Variants in ANXA4 observed in about 807,000 individuals in gnomAD.
The protein encoded by ANXA4 is annexin A4.
A neutral mutation model predicts 49.8 loss-of-function variants in ANXA4; 39 were observed. The observed-to-expected ratio is 0.78, with a 90% CI of 0.61 to 1.02. The LOEUF is 1.02. Ranked by LOEUF, ANXA4 falls within the 50% of genes least tolerant of loss-of-function variation. ANXA4 has a pLI of 0.00. For synonymous variants in ANXA4, 134 were observed against 152.5 expected, an observed-to-expected ratio of 0.88 and a Z score of 0.89; for missense variants, 360 against 410.1, an observed-to-expected ratio of 0.88 and a Z score of 1.05.
intron 1 of ANXA4, among the ~76,000 whole-genome samples, chr2:69,777,237 G>A (rs1055349947): frequency 7.9e-5 from 12 of 152,202 alleles, no homozygotes; most frequent in African/African-American, 2.4e-4. Flanking sequence ...GGGTTTTTAT[G>A]GAGTCTTTGT....
At chr2:69,741,202 C>T (rs1670385074), upstream of ANXA4, among the ~76,000 whole-genome samples, 1 of 152,164 alleles carries the variant, frequency 6.6e-6, no homozygotes, top group Non-Finnish European at 1.5e-5. Flanking sequence ...ACTCCCCAAA[C>T]GGGCTATTCT....
intron 2 of ANXA4, among the ~76,000 whole-genome samples, chr2:69,710,008 A>G (rs987294101): frequency 5.1e-5 from 5 of 98,362 alleles, no homozygotes; most frequent in African/African-American, 2.1e-4. Context: ...TTTTTTTGAG[A>G]CAGAGTTTTG....
At chr2:69,812,053 A>T (rs1370927116) in intron 7 of ANXA4, among the ~76,000 whole-genome samples, 1 of 150,338 alleles carries the variant, frequency 6.7e-6, no homozygotes, top group Non-Finnish European at 1.5e-5. Flanking sequence ...GGACATTTTT[A>T]TGGGATCCTC....
chr2:69,668,685 C>A (rs1032005299), intron 2 of ANXA4, among the ~76,000 whole-genome samples: 8 of 152,108 alleles, frequency 5.3e-5, no homozygotes, highest in African/African-American at 1.4e-4. Context: ...GTAAAACTCA[C>A]CTTCTGCATG....
chr2:69,748,550 C>T (rs114370077), intron 1 of ANXA4, among the ~76,000 whole-genome samples: 6,719 of 150,334 alleles, frequency 0.045, 300 homozygotes, highest in African/African-American at 0.11. Context: ...ATTATGTTAA[C>T]TTGCATTATT....
At chr2:69,648,626 C>T (rs1350898122) in intron 1 of ANXA4, among the ~76,000 whole-genome samples, 1 of 152,040 alleles carries the variant, frequency 6.6e-6, no homozygotes, top group Non-Finnish European at 1.5e-5. Flanking sequence ...GACTTCAAGA[C>T]CAGCCTGGCC....
chr2:69,705,978 G>A (rs779338324), intron 2 of ANXA4, among the ~76,000 whole-genome samples: 6 of 151,764 alleles, frequency 4.0e-5, no homozygotes, highest in Non-Finnish European at 5.9e-5. Context: ...AGTGCTTTAA[G>A]GTACATGTTA....
intron 2 of ANXA4, among the ~76,000 whole-genome samples, chr2:69,783,159 A>G (rs975986189): frequency 6.6e-6 from 1 of 152,172 alleles, no homozygotes; most frequent in Non-Finnish European, 1.5e-5. Context: ...TACATTTCAT[A>G]TCATTAAAAT....
rs138990531 is a variant in ANXA4 at position 69,694,919 on chromosome 2, C to T, written n.767-25855C>T. Among the ~76,000 whole-genome samples, 36 of 152,146 alleles carry T rather than the reference C, an allele frequency of 2.4e-4. No individual in the cohort carries two copies. In the East Asian group the frequency reaches 5.8e-3, roughly 25 times the overall value. On this transcript the variant is annotated intron_variant and non_coding_transcript_variant, in intron 2 of 3. Transcript: ENST00000418066. ...GGGATTACAGGCGTAAGCCACCATG[C>T]CCAGGCTGTTATAAGATAAATTTAA... is the stretch of plus-strand genomic sequence containing the variant.
Position 69,666,341 on chromosome 2 carries a change from A to C in ANXA4, n.766+13059A>C, listed in dbSNP as rs564972185. Among the ~76,000 whole-genome samples, 3 of 152,314 alleles carry C rather than the reference A, an allele frequency of 2.0e-5. No individual in the cohort carries two copies. In the East Asian group the frequency reaches 5.8e-4, roughly 29 times the overall value. Reference sequence around the variant, plus strand: ...TGTAATTGAAAAAACAGACAATAACAAGTGTTGACAAAGATGTGGAGAAGC... The same window carrying C: ...TGTAATTGAAAAAACAGACAATAACCAGTGTTGACAAAGATGTGGAGAAGC... On this transcript the variant is annotated intron_variant and non_coding_transcript_variant, in intron 2 of 3. Transcript: ENST00000418066.
chr2:69,803,858 C>G (rs1673321339), intron 3 of ANXA4, among the ~76,000 whole-genome samples: 1 of 152,072 alleles, frequency 6.6e-6, no homozygotes, highest in Non-Finnish European at 1.5e-5. Context: ...GAGGAGATGG[C>G]TGGGCGTGGT....
chr2:69,756,860 C>T (rs1351579309), intron 1 of ANXA4, among the ~76,000 whole-genome samples: 1 of 151,382 alleles, frequency 6.6e-6, no homozygotes, highest in Non-Finnish European at 1.5e-5. Flanking sequence ...ACCAATAATT[C>T]ACAAAGAATA....
At chr2:69,802,607 A>G (rs190581339) in intron 3 of ANXA4, among the ~76,000 whole-genome samples, 3 of 151,570 alleles carry the variant, frequency 2.0e-5, no homozygotes, top group Admixed American at 2.0e-4. Flanking sequence ...GCTACTGGGG[A>G]GGCTGAGGCA....
chr2:69,703,998 C>A (rs186192605), intron 2 of ANXA4, among the ~76,000 whole-genome samples: 1 of 151,962 alleles, frequency 6.6e-6, no homozygotes, highest in Admixed American at 6.6e-5. Flanking sequence ...CTAACTGCCT[C>A]CCCTCCCCTA....
Position 69,648,879 on chromosome 2 carries a change from C to CTTTTTTTTTTTTTTTT in ANXA4, n.481+3977_481+3978insTTTTTTTTTTTTTTTT, listed in dbSNP as rs201603508. 1.8e-5 allele frequency among the ~76,000 whole-genome samples: 2 copies of CTTTTTTTTTTTTTTTT among 113,486 alleles called. 1 individual carries two copies. Among genetic ancestry groups the CTTTTTTTTTTTTTTTT allele is most frequent in the African/African-American group, 6.6e-5 (2 of 30,272 alleles). 74.5% of individuals were successfully genotyped at this position (113,486 alleles called of 152,430 possible). A position where few individuals can be genotyped will look rare whatever the true frequency, so the allele number is the denominator to read the frequency against. The stretch of plus-strand genomic sequence containing the variant: ...ATTTTTTTAATTTTTAATTTTCTTT[C>CTTTTTTTTTTTTTTTT]TTTCTTTTCTTTTTTTTTTTTTTTG... On this transcript the variant is annotated intron_variant and non_coding_transcript_variant, in intron 1 of 3. Coordinates refer to the ANXA4 transcript ENST00000418066.
At chr2:69,715,536 C>T (rs1470245276) in intron 2 of ANXA4, among the ~76,000 whole-genome samples, 1 of 152,182 alleles carries the variant, frequency 6.6e-6, no homozygotes, top group African/African-American at 2.4e-5. Flanking sequence ...GGGAGATGGT[C>T]AAATATAATT....
intron 2 of ANXA4, among the ~76,000 whole-genome samples, chr2:69,679,467 G>A (rs992671011): frequency 2.0e-5 from 3 of 152,116 alleles, no homozygotes; most frequent in Non-Finnish European, 4.4e-5. Flanking sequence ...TCTTCACTTC[G>A]TTGATTGTTT....
chr2:69,714,941 GTC>G (rs1678827432), intron 2 of ANXA4, among the ~76,000 whole-genome samples: 3 of 152,206 alleles, frequency 2.0e-5, no homozygotes, highest in African/African-American at 7.2e-5. Flanking sequence ...ACACAGTGAA[GTC>G]AAGTAACAGA....
intron 2 of ANXA4, among the ~76,000 whole-genome samples, chr2:69,703,915 C>T (rs1014957834): frequency 2.4e-4 from 37 of 152,158 alleles, no homozygotes; most frequent in African/African-American, 8.4e-4. Flanking sequence ...GCTAGGACTA[C>T]AGGTGCGTGC....
Sources: gnomAD v4.1 joint callset for allele counts (sites outside exome capture counted in the v4.1 genomes callset) on GRCh38, gnomAD v4.1.1 for gene constraint, MANE v1.5 for transcripts, NCBI Gene and HGNC (gene_info 2026-07-23, HGNC 2026-07-21) for gene names.